The following NRG1 variants were observed in gnomAD, a reference collection of about 807,000 sequenced individuals.
The protein encoded by NRG1 is neuregulin 1.
A neutral mutation model predicts 63.8 loss-of-function variants in NRG1; 18 were observed. The observed-to-expected ratio is 0.28, with a 90% CI of 0.19 to 0.42. NRG1 has a LOEUF of 0.42. Among genes scored for constraint, NRG1 ranks in the 10% least tolerant of loss-of-function variants. The probability of loss-of-function intolerance (pLI) is 1.00; values close to 1 mark genes in which losing one functional copy is unlikely to be tolerated. For missense variants in NRG1, 762 were observed against 814.7 expected, an observed-to-expected ratio of 0.94 and a Z score of 0.79; for synonymous variants, 302 against 301.3, an observed-to-expected ratio of 1.00 and a Z score of -0.02.
intron 1 of NRG1, among the ~76,000 whole-genome samples, chr8:32,508,885 C>T (rs914402293): frequency 4.0e-5 from 6 of 151,686 alleles, no homozygotes; most frequent in African/African-American, 9.7e-5. Context: ...TAGGCACACA[C>T]CACCATGCCC....
At chr8:31,789,650 T>C (rs189489018) in intron 1 of NRG1, among the ~76,000 whole-genome samples, 5 of 152,264 alleles carry the variant, frequency 3.3e-5, no homozygotes, top group African/African-American at 1.2e-4. Context: ...AGTGTGATGG[T>C]TGAGGATGGA....
intron 1 of NRG1, among the ~76,000 whole-genome samples, chr8:32,433,084 A>C (rs1344081516): frequency 6.6e-6 from 1 of 152,108 alleles, no homozygotes; most frequent in East Asian, 1.9e-4. Flanking sequence ...TATCTGCCCC[A>C]CAGCTATTTT....
At chr8:31,903,166 T>TTTTTTA (rs1832231957) in intron 1 of NRG1, among the ~76,000 whole-genome samples, 1 of 150,440 alleles carries the variant, frequency 6.6e-6, no homozygotes. Flanking sequence ...TTTTTTTTTT[T>TTTTTTA]GAGATGGAAT....
rs146748303 is a variant in NRG1, at chr8:32,037,131, A to G, written c.37+397700A>G. Among the ~76,000 whole-genome samples, 419 of 152,104 alleles carry G rather than the reference A, an allele frequency of 2.8e-3. 3 individuals carry two copies. The highest frequency in any genetic ancestry group is 9.6e-3 in the African/African-American group (399 of 41,478). On this transcript the variant is annotated intron_variant, in intron 1 of 10. Coordinates refer to the NRG1 transcript ENST00000519301. ...GATGAGGTTTTTATGGGTTCTTTTT[A>G]ATTGATATTGTTGTCCTGGCTTTCT... is the stretch of plus-strand genomic sequence containing the variant.
intron 1 of NRG1, among the ~76,000 whole-genome samples, chr8:31,801,016 ATT>A (rs35832985): frequency 4.4e-4 from 65 of 146,198 alleles, no homozygotes; most frequent in Admixed American, 4.1e-4. Flanking sequence ...ATTTTTTTGT[ATT>A]TTTTTTTTTT....
chr8:32,294,046 C>A (rs1854548176), intron 1 of NRG1, among the ~76,000 whole-genome samples: 1 of 152,030 alleles, frequency 6.6e-6, no homozygotes, highest in African/African-American at 2.4e-5. Flanking sequence ...GACGGCCATC[C>A]ATGCTGGGGG....
rs182739369 is a variant in NRG1, at chr8:32,390,882, A to T, written c.38-204946A>T. Among the ~76,000 whole-genome samples the T allele has an allele frequency of 4.9e-3, 747 of 151,124 alleles. 20 individuals carry two copies. The East Asian group carries it at 0.056, about 11-fold the overall frequency. Reference sequence around the variant, plus strand: ...AAATATTTGTTGAATTAAGAAAATTAAAAAAAAAGTGAGAAGTCAACAGTC... The same window carrying T: ...AAATATTTGTTGAATTAAGAAAATTTAAAAAAAAGTGAGAAGTCAACAGTC... On this transcript the variant is annotated intron_variant, in intron 1 of 10. Coordinates refer to the NRG1 transcript ENST00000519301.
At chr8:32,563,979 G>T (rs878948267) in intron 1 of NRG1, among the ~76,000 whole-genome samples, 1 of 152,028 alleles carries the variant, frequency 6.6e-6, no homozygotes, top group East Asian at 1.9e-4. Context: ...TTCTCCTCTC[G>T]ATAAAATGAG....
At chr8:32,183,618 CA>C (rs1841665067) in intron 1 of NRG1, among the ~76,000 whole-genome samples, 1 of 152,160 alleles carries the variant, frequency 6.6e-6, no homozygotes, top group South Asian at 2.1e-4. Context: ...AAACAGGAAT[CA>C]ACCAACCAAG....
intron 1 of NRG1, among the ~76,000 whole-genome samples, chr8:32,021,896 T>C (rs1816508085): frequency 6.6e-6 from 1 of 152,188 alleles, no homozygotes; most frequent in African/African-American, 2.4e-5. Flanking sequence ...TCTTCTCTTT[T>C]GCTTTTTTTC....
intron 1 of NRG1, among the ~76,000 whole-genome samples, chr8:32,020,879 G>A (rs1366004692): frequency 6.6e-5 from 10 of 151,726 alleles, no homozygotes. Context: ...TAAATTTTAA[G>A]CAATTTTTAT....
At chr8:32,534,321 T>G (rs1376632912) in intron 1 of NRG1, among the ~76,000 whole-genome samples, 1 of 152,126 alleles carries the variant, frequency 6.6e-6, no homozygotes, top group Non-Finnish European at 1.5e-5. Flanking sequence ...GCTGGTAAAC[T>G]TGTCTGAATC....
intron 1 of NRG1, among the ~76,000 whole-genome samples, chr8:32,358,548 A>G (rs565869886): frequency 6.6e-6 from 1 of 152,262 alleles, no homozygotes; most frequent in South Asian, 2.1e-4. Flanking sequence ...ATTAGAAGCT[A>G]TCTACAAGAT....
At chr8:31,934,566 C>A (rs1306684656) in intron 1 of NRG1, among the ~76,000 whole-genome samples, 2 of 151,544 alleles carry the variant, frequency 1.3e-5, no homozygotes, top group Non-Finnish European at 2.9e-5. Flanking sequence ...GCTGGGATTA[C>A]TTTCTACTAT....
At chr8:32,694,618 C>G (rs1364819197) in intron 5 of NRG1, among the ~76,000 whole-genome samples, 3 of 152,078 alleles carry the variant, frequency 2.0e-5, no homozygotes, top group African/African-American at 7.2e-5. Context: ...GATCCTGAGC[C>G]TAAATAAAAT....
intron 1 of NRG1, among the ~76,000 whole-genome samples, chr8:32,342,246 T>A (rs1804172139): frequency 6.6e-6 from 1 of 152,208 alleles, no homozygotes; most frequent in South Asian, 2.1e-4. Context: ...CCAAAATAGC[T>A]GTAGAAAAGT....
intron 1 of NRG1, among the ~76,000 whole-genome samples, chr8:32,579,193 G>GT (rs1840197024): frequency 1.0e-5 from 1 of 98,194 alleles, no homozygotes; most frequent in Non-Finnish European, 1.9e-5. Context: ...TCTTTCTTCT[G>GT]TCTTTTTTTT....
intron 5 of NRG1, among the ~76,000 whole-genome samples, chr8:32,701,092 C>G (rs558588794): frequency 6.6e-6 from 1 of 152,148 alleles, no homozygotes; most frequent in Non-Finnish European, 1.5e-5. Context: ...TGGAACTTTC[C>G]AGAAGTCGGG....
intron 5 of NRG1, among the ~76,000 whole-genome samples, chr8:32,639,362 C>T (rs2439329): frequency 0.062 from 9,441 of 152,108 alleles, 315 homozygotes; most frequent in South Asian, 0.12. Flanking sequence ...GGTGAGATCG[C>T]GCCACTGCAC....
Sources: gnomAD v4.1 joint callset for allele counts (sites outside exome capture counted in the v4.1 genomes callset) on GRCh38, gnomAD v4.1.1 for gene constraint, MANE v1.5 for transcripts, NCBI Gene and HGNC (gene_info 2026-07-23, HGNC 2026-07-21) for gene names.